Variants in AGMO observed in about 807,000 individuals in gnomAD.
AGMO encodes glyceryl-ether monooxygenase.
Under a neutral mutation model 60.2 loss-of-function variants are expected in AGMO, and 75 were observed. That is an observed-to-expected ratio of 1.25 (90% CI 1.03 to 1.51). The LOEUF is 1.51. Among genes scored for constraint, AGMO ranks in the 40% most tolerant of loss-of-function variants. The probability of loss-of-function intolerance (pLI) is 0.00; values close to 1 mark genes in which losing one functional copy is unlikely to be tolerated. For synonymous variants in AGMO, 261 were observed against 177.1 expected (o/e 1.47, Z -3.76); for missense variants, 763 against 525.5 (o/e 1.45, Z -4.42).
chr7:15,540,953 T>G lies in AGMO; in HGVS notation c.409+3819A>C, dbSNP rs1036852108. Among the ~76,000 whole-genome samples, 5 of 152,194 alleles carry G rather than the reference T, an allele frequency of 3.3e-5. No individual in the cohort carries two copies. In the East Asian group the frequency reaches 9.6e-4, roughly 29 times the overall value. On this transcript the variant is annotated intron_variant, in intron 3 of 12. Coordinates refer to ENST00000342526, the MANE Select transcript of AGMO (RefSeq NM_001004320.2). ...GCACCCAAGGCAAGATAGAGCTTAT[T>G]ATCAGGACCCTGAAGGTCTCATTCT...
chr7:15,504,800 G>A (rs887167469), intron 3 of AGMO, among the ~76,000 whole-genome samples: 8 of 150,856 alleles, frequency 5.3e-5, no homozygotes, highest in Admixed American at 3.3e-4. Context: ...AAAGGGTTAA[G>A]GGAAAACATC....
intron 12 of AGMO, among the ~76,000 whole-genome samples, chr7:15,327,798 C>T (rs1781390268): frequency 7.1e-6 from 1 of 140,694 alleles, no homozygotes; most frequent in African/African-American, 2.7e-5. Context: ...CCCAGGCTGC[C>T]AGGCTAGAGG....
intron 12 of AGMO, among the ~76,000 whole-genome samples, chr7:15,323,356 T>C (rs542293712): frequency 4.7e-4 from 71 of 152,198 alleles, no homozygotes; most frequent in African/African-American, 1.5e-3. Context: ...TATAAAAGAA[T>C]TGGAAGAAGT....
rs183492363 is a variant in AGMO at position 15,520,268 on chromosome 7, T to G, written c.409+24504A>C. On this transcript the variant is annotated intron_variant, in intron 3 of 12. Transcript: ENST00000342526. ...ATAGTGGGAGACTTTAACACCCCATTGTCAATATTAGACAGATCAATGAGA... is the reference window on the plus strand; with the variant it reads ...ATAGTGGGAGACTTTAACACCCCATGGTCAATATTAGACAGATCAATGAGA... 2.9e-3 allele frequency among the ~76,000 whole-genome samples: 438 copies of G among 152,244 alleles called. 4 individuals carry two copies. Among genetic ancestry groups the G allele is most frequent in the African/African-American group, 9.9e-3 (411 of 41,552 alleles).
chr7:15,151,732 T>C, the AGMO span, among the ~76,000 whole-genome samples: 1 of 152,128 alleles, frequency 6.6e-6, no homozygotes, highest in Admixed American at 6.6e-5. Context: ...GCAGAACATA[T>C]GGTCCACTTC....
At chr7:15,462,749 T>C (rs1782178708) in intron 3 of AGMO, among the ~76,000 whole-genome samples, 1 of 152,176 alleles carries the variant, frequency 6.6e-6, no homozygotes, top group Non-Finnish European at 1.5e-5. Flanking sequence ...GAAAACTTCA[T>C]ATATGCAATC....
chr7:15,438,711 A>T lies in AGMO; in HGVS notation c.410-7603T>A, dbSNP rs73679502. Among the ~76,000 whole-genome samples the T allele has an allele frequency of 2.0e-3, 306 of 152,304 alleles. 1 individual carries two copies. The highest frequency in any genetic ancestry group is 6.9e-3 in the African/African-American group (287 of 41,562). ...AGGCCCTAGGGTACGCAAAGACACC[A>T]GATGGAAGGATTCTGGGTCCCTGAA... On this transcript the variant is annotated intron_variant, in intron 3 of 12. Transcript: ENST00000342526.
chr7:15,256,488 G>A (rs1049987342), intron 12 of AGMO, among the ~76,000 whole-genome samples: 6 of 152,012 alleles, frequency 3.9e-5, no homozygotes, highest in South Asian at 2.1e-4. Context: ...GACTACAGGC[G>A]CCCACCACGA....
chr7:15,201,491 C>G (rs1354069426), intron 12 of AGMO, 132 bp from the exon 13 acceptor site: 1 of 620,842 alleles, frequency 1.6e-6, no homozygotes, highest in Non-Finnish European at 2.7e-6. Flanking sequence ...TAAATTAAAT[C>G]TAGCAATTGT....
At position 15,354,493 on chromosome 7, in the gene AGMO, CGTGTATATATAT is replaced by C. The variant is rs1487902236; in HGVS notation, c.1263+11009_1263+11020del. Among the ~76,000 whole-genome samples, 18 of 11,902 alleles carry C rather than the reference CGTGTATATATAT, an allele frequency of 1.5e-3. 3 individuals carry two copies. Among genetic ancestry groups the C allele is most frequent in the East Asian group, 0.014 (2 of 142 alleles). The allele number at this position is 11,902 out of a possible 152,430, so 7.8% of individuals were successfully genotyped here. On this transcript the variant is annotated intron_variant, in intron 12 of 12. Coordinates refer to ENST00000342526, the MANE Select transcript of AGMO (RefSeq NM_001004320.2). ...GTATACACACGTGTGTATATACACACGTGTATATATATATATATATATATATATATATATATA... is the reference window on the plus strand; with the variant it reads ...GTATACACACGTGTGTATATACACACATATATATATATATATATATATATA...
intron 12 of AGMO, among the ~76,000 whole-genome samples, chr7:15,203,985 T>C (rs1447206142): frequency 6.6e-6 from 1 of 152,074 alleles, no homozygotes; most frequent in African/African-American, 2.4e-5. Flanking sequence ...AAGAACAAAT[T>C]TGGAATTTTT....
chr7:15,317,282 A>G (rs1780954337), intron 12 of AGMO, among the ~76,000 whole-genome samples: 1 of 152,188 alleles, frequency 6.6e-6, no homozygotes, highest in Non-Finnish European at 1.5e-5. Flanking sequence ...TCTAATGTAT[A>G]TAAGGTATGA....
At chr7:15,129,287 G>A in the AGMO span, among the ~76,000 whole-genome samples, 9 of 132,272 alleles carry the variant, frequency 6.8e-5, no homozygotes, top group Admixed American at 3.9e-4. Flanking sequence ...TATAGTGCCT[G>A]GCCATTGTTC....
intron 12 of AGMO, among the ~76,000 whole-genome samples, chr7:15,305,227 C>T (rs1287341772): frequency 7.2e-6 from 1 of 139,516 alleles, no homozygotes; most frequent in Admixed American, 7.2e-5. Context: ...GCAACCTTGT[C>T]AGGCAATCTG....
chr7:15,420,903 C>T (rs1180291990), intron 4 of AGMO, among the ~76,000 whole-genome samples: 1 of 151,992 alleles, frequency 6.6e-6, no homozygotes, highest in South Asian at 2.1e-4. Flanking sequence ...ATTTTATTGT[C>T]TTGTAGAAGT....
At chr7:15,204,148 T>G (rs1001275954) in intron 12 of AGMO, among the ~76,000 whole-genome samples, 2 of 152,108 alleles carry the variant, frequency 1.3e-5, no homozygotes, top group African/African-American at 4.8e-5. Context: ...TTAGAATATA[T>G]GTGTTTATAT....
chr7:15,391,044 T>A (rs1784117887), intron 6 of AGMO, 139 bp from the exon 7 acceptor site: 1 of 566,434 alleles, frequency 1.8e-6, no homozygotes, highest in East Asian at 3.0e-5. Flanking sequence ...TCTTCTCATT[T>A]ATAACATCAG....
chr7:15,539,793 G>C (rs1784575201), intron 3 of AGMO, among the ~76,000 whole-genome samples: 1 of 152,016 alleles, frequency 6.6e-6, no homozygotes, highest in Non-Finnish European at 1.5e-5. Flanking sequence ...AACCTCACCA[G>C]CATCTGCTAT....
chr7:15,433,497 T>C (rs1781314632), intron 3 of AGMO, among the ~76,000 whole-genome samples: 1 of 152,078 alleles, frequency 6.6e-6, no homozygotes, highest in African/African-American at 2.4e-5. Context: ...TGGAGGTAAA[T>C]TATTTTCAAA....
Sources: gnomAD v4.1 joint callset for allele counts (sites outside exome capture counted in the v4.1 genomes callset) on GRCh38, gnomAD v4.1.1 for gene constraint, MANE v1.5 for transcripts, NCBI Gene and HGNC (gene_info 2026-07-23, HGNC 2026-07-21) for gene names.